SHISA9: variants seen among roughly 807,000 people sequenced by gnomAD.
SHISA9 encodes protein shisa-9.
SHISA9 carries 13 observed loss-of-function variants against 38.0 expected under a neutral mutation model. That is an observed-to-expected ratio of 0.34 (90% CI 0.22 to 0.54). The LOEUF (loss-of-function observed/expected upper bound fraction) is 0.54, where lower values mean the gene tolerates loss of function less well. SHISA9 is among the 20% of genes least tolerant of loss of function. The probability of loss-of-function intolerance (pLI) is 0.91; values close to 1 mark genes in which losing one functional copy is unlikely to be tolerated. For missense variants in SHISA9, 538 were observed against 575.8 expected, an observed-to-expected ratio of 0.93 and a Z score of 0.67; for synonymous variants, 275 against 242.0, an observed-to-expected ratio of 1.14 and a Z score of -1.27.
At chr16:13,183,582 G>A (rs948018579) in intron 2 of SHISA9, among the ~76,000 whole-genome samples, 14 of 152,208 alleles carry the variant, frequency 9.2e-5, no homozygotes, top group Admixed American at 2.6e-4. Flanking sequence ...TCAAGAAACC[G>A]TCCCTGAATG....
At chr16:13,429,011 C>T in the SHISA9 span, among the ~76,000 whole-genome samples, 1 of 152,220 alleles carries the variant, frequency 6.6e-6, no homozygotes, top group South Asian at 2.1e-4. Context: ...AAGTTATCTG[C>T]CCGCCTCAGC....
chr16:13,452,156 G>A, the SHISA9 span, among the ~76,000 whole-genome samples: 1 of 152,152 alleles, frequency 6.6e-6, no homozygotes, highest in African/African-American at 2.4e-5. Context: ...CAATGAATGG[G>A]CTGGCTTCCC....
chr16:13,023,131 T>C (rs2072877629), intron 2 of SHISA9, among the ~76,000 whole-genome samples: 2 of 152,228 alleles, frequency 1.3e-5, no homozygotes, highest in Non-Finnish European at 1.5e-5. Flanking sequence ...CAACTCATCA[T>C]TTACATTAGG....
the SHISA9 span, among the ~76,000 whole-genome samples, chr16:13,504,808 T>G: frequency 6.6e-6 from 1 of 152,184 alleles, no homozygotes; most frequent in South Asian, 2.1e-4. Flanking sequence ...AGTATTATTG[T>G]TCTCGTCTGT....
At chr16:13,375,345 T>C in the SHISA9 span, among the ~76,000 whole-genome samples, 1 of 152,190 alleles carries the variant, frequency 6.6e-6, no homozygotes, top group South Asian at 2.1e-4. Context: ...AATTAATTTT[T>C]GTATAAGATG....
the SHISA9 span, among the ~76,000 whole-genome samples, chr16:13,367,093 G>C: frequency 1.3e-5 from 2 of 151,020 alleles, no homozygotes; most frequent in Non-Finnish European, 2.9e-5. Context: ...AAAATCATTT[G>C]TCAAACCAGT....
chr16:13,199,095 G>C (rs947368764), intron 2 of SHISA9, among the ~76,000 whole-genome samples: 4 of 152,184 alleles, frequency 2.6e-5, no homozygotes, highest in Non-Finnish European at 5.9e-5. Context: ...CTTTAACGAA[G>C]TGTTTAGTAT....
At chr16:13,063,723 C>T (rs1053553439) in intron 2 of SHISA9, among the ~76,000 whole-genome samples, 1 of 152,150 alleles carries the variant, frequency 6.6e-6, no homozygotes, top group African/African-American at 2.4e-5. Flanking sequence ...AAGACTATAA[C>T]AGAGACACAC....
At chr16:13,131,484 G>T (rs984448604) in intron 2 of SHISA9, among the ~76,000 whole-genome samples, 4 of 152,136 alleles carry the variant, frequency 2.6e-5, no homozygotes, top group African/African-American at 7.2e-5. Context: ...GTGGGGAGGG[G>T]AGAGCATCAG....
At chr16:13,263,578 C>G in the SHISA9 span, among the ~76,000 whole-genome samples, 1 of 152,222 alleles carries the variant, frequency 6.6e-6, no homozygotes, top group Non-Finnish European at 1.5e-5. Context: ...ATGACCAACA[C>G]TATGCTTCCT....
chr16:13,406,883 A>C, the SHISA9 span, among the ~76,000 whole-genome samples: 2 of 152,030 alleles, frequency 1.3e-5, no homozygotes, highest in South Asian at 4.2e-4. Context: ...AGCCTGACCA[A>C]CATAGAGAAA....
At chr16:13,545,122 A>G in the SHISA9 span, among the ~76,000 whole-genome samples, 1 of 152,198 alleles carries the variant, frequency 6.6e-6, no homozygotes, top group Non-Finnish European at 1.5e-5. Flanking sequence ...TCATCCTCAC[A>G]ATAATGCTGT....
intron 2 of SHISA9, among the ~76,000 whole-genome samples, chr16:13,024,599 A>G (rs2072898411): frequency 6.6e-6 from 1 of 152,258 alleles, no homozygotes; most frequent in Admixed American, 6.5e-5. Flanking sequence ...GTACTGTGAT[A>G]GAAAGAGAAA....
chr16:12,910,387 A>T (rs961183900), intron 1 of SHISA9: 2 of 783,636 alleles, frequency 2.6e-6, no homozygotes, highest in Non-Finnish European at 3.1e-6. Context: ...GAGATATGAG[A>T]TAACCATGAA....
Position 13,145,610 on chromosome 16 carries a change from C to T in SHISA9, c.692-57784C>T, listed in dbSNP as rs1272817824. On this transcript the variant is annotated intron_variant, in intron 2 of 4. Coordinates refer to ENST00000558583, the MANE Select transcript of SHISA9 (RefSeq NM_001145204.3). ...ACTGGGTCCTAGATTACTTAGCTTG[C>T]TTACCTACAAAAGGGAATAATCGTG... Among the ~76,000 whole-genome samples the T allele has an allele frequency of 2.0e-5, 3 of 152,186 alleles. No individual in the cohort carries two copies. The East Asian group carries it at 5.8e-4, about 29-fold the overall frequency.
the SHISA9 span, among the ~76,000 whole-genome samples, chr16:13,296,493 A>G: frequency 4.2e-3 from 642 of 151,946 alleles, 6 homozygotes; most frequent in African/African-American, 0.015. Flanking sequence ...AAAATGTTCT[A>G]TGTGGAAGGG....
intron 2 of SHISA9, among the ~76,000 whole-genome samples, chr16:12,998,155 C>T (rs961579269): frequency 6.6e-6 from 1 of 152,156 alleles, no homozygotes; most frequent in African/African-American, 2.4e-5. Flanking sequence ...CTGAACACGC[C>T]TAGTTTCTGG....
chr16:13,534,826 C>G, the SHISA9 span, among the ~76,000 whole-genome samples: 1 of 152,156 alleles, frequency 6.6e-6, no homozygotes, highest in African/African-American at 2.4e-5. Flanking sequence ...TTTCCTTTCT[C>G]CTCTCCTCTT....
the SHISA9 span, among the ~76,000 whole-genome samples, chr16:13,464,638 G>C: frequency 2.0e-5 from 3 of 152,022 alleles, no homozygotes; most frequent in Non-Finnish European, 4.4e-5. Flanking sequence ...TCCCTGATTA[G>C]AGCAACCGGA....
Sources: allele counts gnomAD v4.1 joint callset (sites outside exome capture counted in the v4.1 genomes callset), GRCh38; gene constraint gnomAD v4.1.1; transcripts MANE v1.5; gene names NCBI Gene and HGNC (gene_info 2026-07-23, HGNC 2026-07-21).